CFAP61: variants seen among roughly 807,000 people sequenced by gnomAD.
CFAP61 encodes the protein cilia- and flagella-associated protein 61.
CFAP61 carries 107 observed loss-of-function variants against 135.6 expected under a neutral mutation model. The observed-to-expected ratio is 0.79, with a 90% confidence interval of 0.67 to 0.93. The LOEUF (loss-of-function observed/expected upper bound fraction) is 0.93. Among genes scored for constraint, CFAP61 ranks in the 40% least tolerant of loss-of-function variants. The pLI is 0.00. For synonymous variants in CFAP61, 575 were observed against 578.5 expected (o/e 0.99, Z 0.09); for missense variants, 1,507 against 1,556.2 (o/e 0.97, Z 0.53).
chr20:20,292,974 G>A (rs761870646), intron 24 of CFAP61, among the ~76,000 whole-genome samples: 2 of 152,138 alleles, frequency 1.3e-5, no homozygotes, highest in African/African-American at 4.8e-5. Context: ...TTGCGGGACG[G>A]TGTGTGGGAT....
chr20:20,346,972 C>A (rs187616202), intron 26 of CFAP61, among the ~76,000 whole-genome samples: 10 of 152,128 alleles, frequency 6.6e-5, no homozygotes, highest in Non-Finnish European at 1.3e-4. Context: ...CAAGTGCACA[C>A]GGAACATTCT....
At chr20:20,237,910 T>C (rs1464787505) in intron 18 of CFAP61, among the ~76,000 whole-genome samples, 2 of 152,240 alleles carry the variant, frequency 1.3e-5, no homozygotes, top group African/African-American at 4.8e-5. Context: ...TAAGATGAAA[T>C]AATACAATGT....
At chr20:20,117,695 G>T (rs559346254) in intron 8 of CFAP61, among the ~76,000 whole-genome samples, 4 of 152,146 alleles carry the variant, frequency 2.6e-5, no homozygotes, top group African/African-American at 9.6e-5. Flanking sequence ...TCGTTTTAAC[G>T]ATATTCTTCT....
rs538675128 is a variant in CFAP61, at chr20:20,349,078, G to A, written c.3513+7157G>A. Among the ~76,000 whole-genome samples the A allele has an allele frequency of 7.9e-5, 12 of 152,322 alleles. No individual in the cohort carries two copies. The South Asian group carries it at 2.5e-3, about 32-fold the overall frequency. On this transcript the variant is annotated intron_variant, in intron 26 of 26. Transcript: ENST00000245957. ...ACTATCTCCATTCTCAGGTGATGTG[G>A]TCCTAAAGAATCCACAAAATAACTA... is the stretch of plus-strand genomic sequence containing the variant.
intron 6 of CFAP61, among the ~76,000 whole-genome samples, chr20:20,083,360 G>A (rs1237182328): frequency 5.3e-5 from 8 of 152,040 alleles, no homozygotes; most frequent in South Asian, 4.2e-4. Context: ...TTCGGAGGGG[G>A]TGAGGAATAA....
rs186113193 is a variant in CFAP61 at position 20,196,538 on chromosome 20, T to C, written c.1591-32T>C. 6 of 1,506,050 alleles carry C rather than the reference T, an allele frequency of 4.0e-6. No homozygotes were observed. In the Admixed American group the frequency reaches 8.4e-5, roughly 21 times the overall value. The allele number at this position is 1,506,050 out of a possible 1,614,324, so 93.3% of individuals were successfully genotyped here. On this transcript the variant is annotated intron_variant, in intron 15 of 26. Coordinates refer to ENST00000245957, the MANE Select transcript of CFAP61 (RefSeq NM_015585.4). The stretch of plus-strand genomic sequence containing the variant: ...ATGCATGCCGTTTGTTTAAAATGCT[T>C]GTAGAAACCATCCCTTCTGTCTCTT...
At chr20:20,354,435 A>T (rs759816935) in intron 26 of CFAP61, among the ~76,000 whole-genome samples, 1 of 151,254 alleles carries the variant, frequency 6.6e-6, no homozygotes, top group Non-Finnish European at 1.5e-5. Context: ...CCCAGGAGGC[A>T]GAGGTTGTGG....
At chr20:20,246,764 G>T (rs1284978838) in intron 19 of CFAP61, among the ~76,000 whole-genome samples, 1 of 152,140 alleles carries the variant, frequency 6.6e-6, no homozygotes, top group Non-Finnish European at 1.5e-5. Flanking sequence ...ATGGCTACAA[G>T]AAATATTAGT....
At chr20:20,355,455 G>A (rs1455303384) in intron 26 of CFAP61, among the ~76,000 whole-genome samples, 2 of 66,184 alleles carry the variant, frequency 3.0e-5, no homozygotes, top group Admixed American at 1.4e-4. Context: ...TGTGAGGGGA[G>A]GTGGTCACAC....
In CFAP61 at chr20:20,338,427, C is replaced by G. The variant is rs2058320530; in HGVS notation, c.3423-3404C>G. Among the ~76,000 whole-genome samples, 6 of 152,060 alleles carry G rather than the reference C, an allele frequency of 3.9e-5. No individual in the cohort carries two copies. The South Asian group carries it at 1.2e-3, about 32-fold the overall frequency. ...TAAAAGTAGACACTTTTTTTTCATGCCAAGAGAAAACTAGAATGCTTTTTG... is the reference window on the plus strand; with the variant it reads ...TAAAAGTAGACACTTTTTTTTCATGGCAAGAGAAAACTAGAATGCTTTTTG... On this transcript the variant is annotated intron_variant, in intron 25 of 26. Coordinates refer to ENST00000245957, the MANE Select transcript of CFAP61 (RefSeq NM_015585.4).
At chr20:20,055,967 TCCC>T in intron 1 of CFAP61, 2 of 1,611,254 alleles carry the variant, frequency 1.2e-6, no homozygotes, top group Non-Finnish European at 1.7e-6. Flanking sequence ...CAACAGCATT[TCCC>T]AAAGTGTCCT....
intron 20 of CFAP61, chr20:20,253,566 T>TG: frequency 2.0e-6 from 1 of 492,716 alleles, no homozygotes; most frequent in Non-Finnish European, 4.0e-6. Context: ...CTCTGCATTT[T>TG]TAAGCATGTG....
At chr20:20,252,307 A>G (rs2050997311) in intron 20 of CFAP61, among the ~76,000 whole-genome samples, 1 of 146,392 alleles carries the variant, frequency 6.8e-6, no homozygotes, top group Non-Finnish European at 1.5e-5. Flanking sequence ...GCATTGCTGG[A>G]TAACACTGAA....
intron 26 of CFAP61, among the ~76,000 whole-genome samples, chr20:20,349,179 A>G (rs1299030992): frequency 3.9e-5 from 6 of 152,200 alleles, no homozygotes; most frequent in Non-Finnish European, 8.8e-5. Flanking sequence ...CTACATTATC[A>G]GTTGTATTAA....
At chr20:20,278,505 G>A (rs916589701) in intron 22 of CFAP61, among the ~76,000 whole-genome samples, 2 of 152,194 alleles carry the variant, frequency 1.3e-5, no homozygotes, top group African/African-American at 4.8e-5. Flanking sequence ...AGCTGAGGTC[G>A]GTATGAGGAT....
At chr20:20,289,607 G>A (rs2054856772) in intron 23 of CFAP61, among the ~76,000 whole-genome samples, 1 of 152,326 alleles carries the variant, frequency 6.6e-6, no homozygotes, top group Middle Eastern at 3.4e-3. Context: ...CCCCCAGGGT[G>A]TCCATGAAGC....
At chr20:20,100,563 G>A (rs978709657) in intron 8 of CFAP61, among the ~76,000 whole-genome samples, 2 of 152,162 alleles carry the variant, frequency 1.3e-5, no homozygotes, top group African/African-American at 4.8e-5. Flanking sequence ...ACAATTAAAT[G>A]TTAGAATCTA....
At chr20:20,296,547 C>CA (rs1390660411) in intron 24 of CFAP61, among the ~76,000 whole-genome samples, 1 of 150,486 alleles carries the variant, frequency 6.6e-6, no homozygotes, top group African/African-American at 2.4e-5. Context: ...ATTTGTTCAT[C>CA]AAAAAATCTA....
chr20:20,243,389 T>G (rs73607406), intron 18 of CFAP61, among the ~76,000 whole-genome samples: 10,567 of 151,962 alleles, frequency 0.07, 1,165 homozygotes, highest in East Asian at 0.53. Flanking sequence ...ATCTTATGCC[T>G]TCACATTTCA....
Sources: gnomAD v4.1 joint callset for allele counts (sites outside exome capture counted in the v4.1 genomes callset) on GRCh38, gnomAD v4.1.1 for gene constraint, MANE v1.5 for transcripts, NCBI Gene and HGNC (gene_info 2026-07-23, HGNC 2026-07-21) for gene names.